The following SPIDR variants were observed in gnomAD, a reference collection of about 807,000 sequenced individuals.
The protein encoded by SPIDR is scaffold protein involved in DNA repair.
In SPIDR, 93 loss-of-function variants were observed where a neutral mutation model predicts 104.6. That is an observed-to-expected ratio of 0.89 (90% CI 0.75 to 1.06). The LOEUF (loss-of-function observed/expected upper bound fraction) is 1.06. Among genes scored for constraint, SPIDR ranks in the 50% least tolerant of loss-of-function variants. The pLI is 0.00. For missense variants in SPIDR, 1,154 were observed against 1,111.2 expected (o/e 1.04, Z -0.55); for synonymous variants, 431 against 416.9 (o/e 1.03, Z -0.41).
intron 5 of SPIDR, among the ~76,000 whole-genome samples, chr8:47,376,424 A>G (rs1340612589): frequency 6.6e-6 from 1 of 152,166 alleles, no homozygotes; most frequent in Non-Finnish European, 1.5e-5. Flanking sequence ...CTGTATATAG[A>G]ACCCGGTCAT....
chr8:47,621,247 G>T (rs1289046941), intron 10 of SPIDR, among the ~76,000 whole-genome samples: 4 of 152,182 alleles, frequency 2.6e-5, no homozygotes, highest in Non-Finnish European at 4.4e-5. Flanking sequence ...GAGCCACCAC[G>T]CCCGGCCAAT....
At chr8:47,502,565 T>G (rs1331191516) in intron 8 of SPIDR, among the ~76,000 whole-genome samples, 2 of 152,194 alleles carry the variant, frequency 1.3e-5, no homozygotes, top group African/African-American at 4.8e-5. Flanking sequence ...TCTATGAATT[T>G]TGTTGATCTT....
chr8:47,713,536 C>T lies in SPIDR; in HGVS notation c.2236C>T (p.Leu746Phe), dbSNP rs535751929. 8 of 1,614,178 alleles carry T rather than the reference C, an allele frequency of 5.0e-6. No individual in the cohort carries two copies. The African/African-American group carries it at 8.0e-5, about 16-fold the overall frequency. ...ERTVLLLQKPLLSVVSGASSC... is the reference protein window; with the variant it reads ...ERTVLLLQKPFLSVVSGASSC... ...AACTGTCCTCTTGCTTCAGAAGCCC[C>T]TTTTGAGTGTGGTCTCTGGTGCAAG... is the stretch of plus-strand genomic sequence containing the variant. Residue 746 changes from leucine (L) to phenylalanine (F), a missense_variant, in exon 16 of 20, where the codon CTT becomes TTT. Leu to Phe is a conservative substitution (Grantham distance 22). Coordinates refer to ENST00000297423, the MANE Select transcript of SPIDR (RefSeq NM_001080394.4).
chr8:47,491,394 T>G (rs931330431), intron 8 of SPIDR, among the ~76,000 whole-genome samples: 3 of 152,204 alleles, frequency 2.0e-5, no homozygotes, highest in East Asian at 3.9e-4. Flanking sequence ...TATTTAGAAT[T>G]AAACGGCCAT....
At chr8:47,306,997 A>G (rs1554581763) in intron 5 of SPIDR, among the ~76,000 whole-genome samples, 1 of 152,178 alleles carries the variant, frequency 6.6e-6, no homozygotes, top group African/African-American at 2.4e-5. Flanking sequence ...AGTCTAGTAT[A>G]GGCAACATAT....
chr8:47,261,075 T>C (rs1466200754), intron 1 of SPIDR, 84 bp downstream of exon 1: 1 of 1,212,016 alleles, frequency 8.3e-7, no homozygotes, highest in Non-Finnish European at 1.0e-6. Flanking sequence ...GGCCCCGTTG[T>C]GCTGGGGTGA....
chr8:47,573,993 A>C (rs1194037393), intron 8 of SPIDR, among the ~76,000 whole-genome samples: 1 of 152,246 alleles, frequency 6.6e-6, no homozygotes, highest in Non-Finnish European at 1.5e-5. Flanking sequence ...CTACTGCTTT[A>C]AGAATTCAAA....
chr8:47,263,901 T>C (rs1157709461), intron 1 of SPIDR, among the ~76,000 whole-genome samples: 2 of 152,248 alleles, frequency 1.3e-5, no homozygotes, highest in Non-Finnish European at 1.5e-5. Context: ...TCTACACCTT[T>C]ATTCCCTTAT....
At chr8:47,680,663 G>C (rs1345365644) in intron 11 of SPIDR, among the ~76,000 whole-genome samples, 4 of 152,138 alleles carry the variant, frequency 2.6e-5, no homozygotes, top group Non-Finnish European at 5.9e-5. Context: ...CTTCCCTTGG[G>C]GTTTGAGGTC....
intron 5 of SPIDR, among the ~76,000 whole-genome samples, chr8:47,303,427 C>A (rs587683318): frequency 1.3e-5 from 2 of 152,292 alleles, no homozygotes; most frequent in Non-Finnish European, 2.9e-5. Flanking sequence ...CTTCGGCTTA[C>A]GCTGGGTGCA....
At chr8:47,336,849 A>G (rs2049854764) in intron 5 of SPIDR, among the ~76,000 whole-genome samples, 1 of 152,110 alleles carries the variant, frequency 6.6e-6, no homozygotes, top group Non-Finnish European at 1.5e-5. Context: ...AGGAACTGAC[A>G]TTTTTCTCTG....
intron 8 of SPIDR, among the ~76,000 whole-genome samples, chr8:47,468,060 A>G (rs1451476324): frequency 6.6e-6 from 1 of 152,190 alleles, no homozygotes; most frequent in Non-Finnish European, 1.5e-5. Context: ...TCTATACACC[A>G]GCCATCAAGC....
chr8:47,460,186 T>G (rs2073711830), intron 8 of SPIDR, among the ~76,000 whole-genome samples: 1 of 152,178 alleles, frequency 6.6e-6, no homozygotes, highest in Non-Finnish European at 1.5e-5. Flanking sequence ...CATTGTTTGT[T>G]TGTTGACTTT....
At chr8:47,559,911 C>T (rs1234078371) in intron 8 of SPIDR, among the ~76,000 whole-genome samples, 1 of 152,242 alleles carries the variant, frequency 6.6e-6, no homozygotes, top group Admixed American at 6.5e-5. Context: ...TTGTGAAAGA[C>T]GACCTGCTGA....
At chr8:47,642,445 G>A (rs1256373563) in intron 10 of SPIDR, among the ~76,000 whole-genome samples, 5 of 151,316 alleles carry the variant, frequency 3.3e-5, no homozygotes, top group African/African-American at 4.9e-5. Flanking sequence ...AAAAGAATTC[G>A]ACATGTGCTT....
intron 7 of SPIDR, among the ~76,000 whole-genome samples, chr8:47,418,734 A>G (rs2064842523): frequency 6.6e-6 from 1 of 152,204 alleles, no homozygotes; most frequent in Admixed American, 6.5e-5. Context: ...TTGCCCATTC[A>G]GCACGATACT....
At chr8:47,710,524 A>G (rs1221570199) in intron 14 of SPIDR, among the ~76,000 whole-genome samples, 1 of 150,718 alleles carries the variant, frequency 6.6e-6, no homozygotes, top group East Asian at 1.9e-4. Context: ...GCTGGAATGC[A>G]ATGGTGCAAT....
intron 8 of SPIDR, among the ~76,000 whole-genome samples, chr8:47,542,540 A>G (rs2088417928): frequency 6.6e-6 from 1 of 152,156 alleles, no homozygotes; most frequent in Admixed American, 6.6e-5. Context: ...AGTAAATCAA[A>G]GCACTTCCCC....
Position 47,453,058 on chromosome 8 carries a change from T to C in SPIDR, c.1097+12516T>C, listed in dbSNP as rs189112520. Among the ~76,000 whole-genome samples the C allele has an allele frequency of 7.6e-3, 1,154 of 152,222 alleles. 9 individuals are homozygous for C. The highest frequency in any genetic ancestry group is 0.011 in the Non-Finnish European group (774 of 68,006). ...TGTACAAAAATCACAAGCATTCTTA[T>C]ACACCAATAACAGACAAACAGAGAG... On this transcript the variant is annotated intron_variant, in intron 8 of 19. Coordinates refer to ENST00000297423, the MANE Select transcript of SPIDR (RefSeq NM_001080394.4).
Sources: gnomAD v4.1 joint callset for allele counts (sites outside exome capture counted in the v4.1 genomes callset) on GRCh38, gnomAD v4.1.1 for gene constraint, MANE v1.5 for transcripts, NCBI Gene and HGNC (gene_info 2026-07-23, HGNC 2026-07-21) for gene names.